The following IGF1R variants were observed in gnomAD, a reference collection of about 807,000 sequenced individuals.
IGF1R encodes the protein insulin like growth factor 1 receptor.
IGF1R carries 44 observed loss-of-function variants against 144.6 expected under a neutral mutation model. The ratio of observed to expected loss-of-function variants is 0.30; its 90% CI spans 0.24 to 0.39. The LOEUF is 0.39. Ranked by LOEUF, IGF1R falls within the 10% of genes least tolerant of loss-of-function variation. The pLI is 1.00. For synonymous variants in IGF1R, 795 were observed against 722.8 expected (o/e 1.10, Z -1.60); for missense variants, 1,355 against 1,833.7 (o/e 0.74, Z 4.77).
At chr15:98,728,883 G>A (rs1009289146) in intron 2 of IGF1R, among the ~76,000 whole-genome samples, 9 of 152,240 alleles carry the variant, frequency 5.9e-5, no homozygotes, top group Admixed American at 5.9e-4. Flanking sequence ...AATCTTGGCT[G>A]TGCTACCTCT....
intron 3 of IGF1R, among the ~76,000 whole-genome samples, chr15:98,892,525 TCC>T (rs2013975690): frequency 1.6e-5 from 1 of 62,636 alleles, no homozygotes. Context: ...TCACTCTGTC[TCC>T]AAAAAAAAAA....
At position 98,916,710 on chromosome 15, in the gene IGF1R, G is replaced by A. The variant is rs771230491; in HGVS notation, c.2035G>A (p.Asp679Asn). 7.4e-6 allele frequency: 12 copies of A among 1,613,928 alleles called. No individual in the cohort carries two copies. The highest frequency in any genetic ancestry group is 9.3e-6 in the Non-Finnish European group (11 of 1,180,020). The change falls in exon 10 of 21, where the codon GAC becomes AAC. Residue 679 changes from aspartate to asparagine, a missense_variant. Around this residue, in one of 7 missense-constraint regions of IGF1R, gnomAD observed 880 missense variants for 1,202.7 expected, o/e 0.73. Coordinates refer to ENST00000650285, the MANE Select transcript of IGF1R (RefSeq NM_000875.5). ...PIRKYADGTI[D>N]IEEVTENPKT... Reference sequence around the variant, plus strand: ...CAGGAAGTATGCCGACGGCACCATCGACATTGAGGAGGTCACAGAGAACCC... The same window carrying A: ...CAGGAAGTATGCCGACGGCACCATCAACATTGAGGAGGTCACAGAGAACCC...
At chr15:98,657,140 G>A (rs2052504810) in intron 1 of IGF1R, among the ~76,000 whole-genome samples, 1 of 152,156 alleles carries the variant, frequency 6.6e-6, no homozygotes, top group Non-Finnish European at 1.5e-5. Context: ...GCTTGATTAC[G>A]TAAATGAGAC....
At chr15:98,818,604 C>T (rs979500970) in intron 2 of IGF1R, among the ~76,000 whole-genome samples, 1 of 151,904 alleles carries the variant, frequency 6.6e-6, no homozygotes, top group African/African-American at 2.4e-5. Context: ...GGGTGCAGTC[C>T]TGAACCAGTG....
chr15:98,834,809 C>T (rs970911116), intron 2 of IGF1R, among the ~76,000 whole-genome samples: 16 of 152,130 alleles, frequency 1.1e-4, no homozygotes, highest in African/African-American at 2.7e-4. Context: ...TCCTTATAAA[C>T]GAGCAGGAGT....
chr15:98,735,348 ACT>A (rs1351282661), intron 2 of IGF1R, among the ~76,000 whole-genome samples: 7 of 152,156 alleles, frequency 4.6e-5, no homozygotes, highest in African/African-American at 1.4e-4. Flanking sequence ...GCTCCCCGTG[ACT>A]CTGCCCACCT....
At position 98,842,403 on chromosome 15, in the gene IGF1R, CG is replaced by C. The variant is rs374821518; in HGVS notation, c.641-48918del. Among the ~76,000 whole-genome samples the C allele has an allele frequency of 9.3e-3, 1,408 of 152,112 alleles. 22 individuals are homozygous for C. The highest frequency in any genetic ancestry group is 0.032 in the African/African-American group (1,333 of 41,482). Reference sequence around the variant, plus strand: ...TGCTGCTGTAGTTCAGTTTAGGGGACGGGGAATGTTTATAAAAACAAAGTTT... The same window carrying C: ...TGCTGCTGTAGTTCAGTTTAGGGGACGGGAATGTTTATAAAAACAAAGTTT... On this transcript the variant is annotated intron_variant, in intron 2 of 20. Transcript: ENST00000650285.
intron 1 of IGF1R, among the ~76,000 whole-genome samples, chr15:98,654,310 C>A (rs2141165890): frequency 6.6e-6 from 1 of 152,282 alleles, no homozygotes; most frequent in South Asian, 2.1e-4. Flanking sequence ...GATTTACAAA[C>A]TGCAGTGTTG....
chr15:98,945,836 T>A (rs2016528829), intron 19 of IGF1R, among the ~76,000 whole-genome samples: 1 of 152,118 alleles, frequency 6.6e-6, no homozygotes. Flanking sequence ...ACTCTAGCAC[T>A]CAGTGGTCCT....
intron 2 of IGF1R, among the ~76,000 whole-genome samples, chr15:98,825,305 C>T (rs2056872916): frequency 6.6e-6 from 1 of 152,222 alleles, no homozygotes; most frequent in Admixed American, 6.5e-5. Context: ...ATACCAAAAT[C>T]CACAGATGCT....
chr15:98,715,738 T>G (rs531004151), intron 2 of IGF1R, among the ~76,000 whole-genome samples: 2 of 152,228 alleles, frequency 1.3e-5, no homozygotes, highest in South Asian at 4.1e-4. Context: ...GCATATGGTG[T>G]GAATCAGGGA....
chr15:98,824,300 C>G (rs1456837827), intron 2 of IGF1R: 2 of 152,228 alleles, frequency 1.3e-5, no homozygotes, highest in African/African-American at 4.8e-5. Flanking sequence ...CTCCCTATCT[C>G]TTTCACTCTT....
In IGF1R at chr15:98,960,230, AACTC is replaced by A. The variant is rs956589612; in HGVS notation, c.*2791_*2794del. ...TGTATTCCGGGGTCAAAGCAACACT[AACTC>A]ACCTCTCTGCTCATTTCAGACAGCT... On this transcript the variant is annotated 3_prime_UTR_variant, in exon 21 of 21. Coordinates refer to ENST00000650285, the MANE Select transcript of IGF1R (RefSeq NM_000875.5). 4 of 233,520 alleles carry A rather than the reference AACTC, an allele frequency of 1.7e-5. No homozygotes were observed. Among genetic ancestry groups the A allele is most frequent in the East Asian group, 6.0e-5 (1 of 16,594 alleles). The allele number at this position is 233,520 out of a possible 1,614,324, so 14.5% of individuals were successfully genotyped here. A position where few individuals can be genotyped will look rare whatever the true frequency, so the allele number is the denominator to read the frequency against.
chr15:98,698,843 A>G (rs1010382824), intron 1 of IGF1R, among the ~76,000 whole-genome samples: 7 of 152,208 alleles, frequency 4.6e-5, no homozygotes, highest in Admixed American at 6.5e-5. Context: ...AGGGGAACAG[A>G]TGAGTGGGAT....
At chr15:98,856,179 T>C (rs1207006931) in intron 2 of IGF1R, among the ~76,000 whole-genome samples, 1 of 152,246 alleles carries the variant, frequency 6.6e-6, no homozygotes, top group Non-Finnish European at 1.5e-5. Flanking sequence ...GGGCAGGTGC[T>C]CAACTAAGCT....
chr15:98,962,603 G>C lies in IGF1R; in HGVS notation c.*5161G>C, dbSNP rs1469877408. 5 of 233,762 alleles carry C rather than the reference G, an allele frequency of 2.1e-5. No individual in the cohort carries two copies. Among genetic ancestry groups the C allele is most frequent in the Non-Finnish European group, 3.4e-5 (4 of 118,180 alleles). 14.5% of individuals were successfully genotyped at this position (233,762 alleles called of 1,614,324 possible). A position where few individuals can be genotyped will look rare whatever the true frequency, so the allele number is the denominator to read the frequency against. On this transcript the variant is annotated 3_prime_UTR_variant, in exon 21 of 21. Coordinates refer to ENST00000650285, the MANE Select transcript of IGF1R (RefSeq NM_000875.5). ...GACTGGTTGCGTCATTTGGAGAAGT[G>C]AGTGCTCCTTGATGGTGGAATGACC...
At chr15:98,942,608 G>C (rs2016407188) in intron 18 of IGF1R, among the ~76,000 whole-genome samples, 1 of 152,146 alleles carries the variant, frequency 6.6e-6, no homozygotes, top group Non-Finnish European at 1.5e-5. Flanking sequence ...CAAAGTGCTG[G>C]GATTACAGGC....
intron 2 of IGF1R, among the ~76,000 whole-genome samples, chr15:98,774,603 C>T (rs45550233): frequency 0.011 from 1,625 of 142,154 alleles, 29 homozygotes; most frequent in African/African-American, 0.04. Flanking sequence ...CACAAAAGGA[C>T]AAATACTCTA....
At chr15:98,888,165 AC>A (rs1293529095) in intron 2 of IGF1R, among the ~76,000 whole-genome samples, 1 of 152,200 alleles carries the variant, frequency 6.6e-6, no homozygotes, top group Non-Finnish European at 1.5e-5. Context: ...TCACTCCCGT[AC>A]TTGCTGTGTC....
Sources: gnomAD v4.1 joint callset for allele counts (sites outside exome capture counted in the v4.1 genomes callset) on GRCh38, gnomAD v4.1.1 for gene constraint, gnomAD v4.1.1 regional missense constraint, MANE v1.5 for transcripts, NCBI Gene and HGNC (gene_info 2026-07-23, HGNC 2026-07-21) for gene names.